Variants in PTPRA observed in about 807,000 individuals in gnomAD.
PTPRA encodes the protein protein tyrosine phosphatase receptor type A, also known as receptor-type tyrosine-protein phosphatase alpha.
A neutral mutation model predicts 104.8 loss-of-function variants in PTPRA; 25 were observed. The observed-to-expected ratio is 0.24, with a 90% CI of 0.17 to 0.33. The LOEUF (loss-of-function observed/expected upper bound fraction) is 0.33. PTPRA is among the 10% of genes least tolerant of loss of function. The pLI, the probability that PTPRA is intolerant of heterozygous loss-of-function variation, is 1.00. For synonymous variants in PTPRA, 323 were observed against 368.9 expected (o/e 0.88, Z 1.43); for missense variants, 765 against 1,015.3 (o/e 0.75, Z 3.35).
chr20:2,904,434 G>A (rs1038552271), intron 1 of PTPRA, among the ~76,000 whole-genome samples: 31 of 152,148 alleles, frequency 2.0e-4, no homozygotes, highest in Admixed American at 4.6e-4. Flanking sequence ...ACTTTGGGAG[G>A]CCGAGGTGGG....
At chr20:2,954,198 C>T (rs1456725281) in intron 3 of PTPRA, among the ~76,000 whole-genome samples, 5 of 151,590 alleles carry the variant, frequency 3.3e-5, no homozygotes, top group African/African-American at 9.7e-5. Flanking sequence ...CTGCCTCAGC[C>T]TCCTGAGTAG....
Position 2,965,188 on chromosome 20 carries a change from C to G in PTPRA, c.401C>G (p.Thr134Ser). The change falls in exon 5 of 24, where the codon ACT (threonine) becomes AGT (serine). Residue 134 changes from threonine (T) to serine (S), a missense_variant. Thr to Ser is a moderately conservative substitution (Grantham distance 58). Around this residue, in one of 4 missense-constraint regions of PTPRA, gnomAD observed 256 missense variants for 248.9 expected, o/e 1.03. Coordinates refer to ENST00000399903, the MANE Select transcript of PTPRA (RefSeq NM_001385305.1). ...NSSTAATTPETFPPSGNSDSK... is the reference protein window; with the variant it reads ...NSSTAATTPESFPPSGNSDSK... The stretch of plus-strand genomic sequence containing the variant: ...AGCACCGCAGCAACCACTCCAGAAA[C>G]TTTCCCTCCTTCAGGTACTAGAGAT... 1.2e-6 allele frequency: 2 copies of G among 1,610,910 alleles called. No individual in the cohort carries two copies. Among genetic ancestry groups the G allele is most frequent in the Non-Finnish European group, 1.7e-6 (2 of 1,177,408 alleles).
At chr20:2,971,831 C>A (rs2062201035) in intron 5 of PTPRA, among the ~76,000 whole-genome samples, 1 of 151,848 alleles carries the variant, frequency 6.6e-6, no homozygotes, top group South Asian at 2.1e-4. Context: ...GATTCTATTC[C>A]TAGGTTTGTT....
intron 2 of PTPRA, among the ~76,000 whole-genome samples, chr20:2,933,068 T>G (rs1049036451): frequency 6.6e-6 from 1 of 152,206 alleles, no homozygotes; most frequent in Admixed American, 6.5e-5. Context: ...ATAGACTAAG[T>G]CCCAAATCAG....
At chr20:2,954,373 C>T (rs2061463047) in intron 3 of PTPRA, among the ~76,000 whole-genome samples, 1 of 152,170 alleles carries the variant, frequency 6.6e-6, no homozygotes, top group Non-Finnish European at 1.5e-5. Context: ...GCCACCACAC[C>T]TGGCCCCCAG....
chr20:2,886,019 A>G (rs929924908), intron 1 of PTPRA, among the ~76,000 whole-genome samples: 4 of 152,222 alleles, frequency 2.6e-5, no homozygotes, highest in African/African-American at 9.6e-5. Flanking sequence ...AGATCATGCC[A>G]CCACACTCCA....
intron 19 of PTPRA, 90 bp downstream of exon 19, chr20:3,027,287 G>C: frequency 3.8e-6 from 5 of 1,330,524 alleles, no homozygotes; most frequent in Non-Finnish European, 5.4e-6. Flanking sequence ...CTGCTGGGGA[G>C]GATCATGTTT....
chr20:2,893,456 A>T (rs2058875234), intron 1 of PTPRA, among the ~76,000 whole-genome samples: 1 of 152,208 alleles, frequency 6.6e-6, no homozygotes, highest in Admixed American at 6.5e-5. Flanking sequence ...GAGATTTCTT[A>T]CATTTAGATG....
At chr20:2,973,260 A>C (rs2062269097) in intron 5 of PTPRA, among the ~76,000 whole-genome samples, 2 of 149,820 alleles carry the variant, frequency 1.3e-5, no homozygotes, top group South Asian at 4.2e-4. Flanking sequence ...ATTGATTTTT[A>C]CTTTCTACCT....
At chr20:2,972,950 G>C (rs1043983173) in intron 5 of PTPRA, among the ~76,000 whole-genome samples, 4 of 151,906 alleles carry the variant, frequency 2.6e-5, no homozygotes, top group African/African-American at 9.7e-5. Flanking sequence ...GAACTCCTGG[G>C]CTCACATGAT....
At chr20:3,005,173 T>G in intron 10 of PTPRA, 27 bp downstream of exon 10, 1 of 1,539,970 alleles carries the variant, frequency 6.5e-7, no homozygotes, top group Non-Finnish European at 9.0e-7. Context: ...TTTCTTGGGA[T>G]GTAACCTGAA....
At chr20:2,939,477 G>A (rs914582087) in intron 2 of PTPRA, among the ~76,000 whole-genome samples, 1 of 152,160 alleles carries the variant, frequency 6.6e-6, no homozygotes, top group Non-Finnish European at 1.5e-5. Context: ...ACAGTGTCTG[G>A]TGAGGAAAAG....
intron 6 of PTPRA, among the ~76,000 whole-genome samples, chr20:2,986,224 T>C (rs2062903656): frequency 6.6e-6 from 1 of 152,196 alleles, no homozygotes; most frequent in African/African-American, 2.4e-5. Context: ...TTGTTTTAAT[T>C]AGGAACAGTA....
chr20:3,022,999 C>T lies in PTPRA; in HGVS notation c.1464+175C>T, dbSNP rs979640914. ...GTGTCTATGTAGAAAAAGGAAGACA[C>T]GAGAAACTCCATTTTGTTCTGTACT... On this transcript the variant is annotated intron_variant, in intron 16 of 23. Transcript: ENST00000399903. This position sits in a 1 kb window ranked among gnomAD's most constrained non-coding sequence, Gnocchi z 4.6. 1.3e-5 allele frequency among the ~76,000 whole-genome samples: 2 copies of T among 152,164 alleles called. No homozygotes were observed. The highest frequency in any genetic ancestry group is 2.9e-5 in the Non-Finnish European group (2 of 68,036).
chr20:2,887,784 G>A (rs976102109), intron 1 of PTPRA, among the ~76,000 whole-genome samples: 2 of 152,224 alleles, frequency 1.3e-5, no homozygotes, highest in African/African-American at 4.8e-5. Context: ...TACCAGAGCA[G>A]TGTGGGATAG....
intron 4 of PTPRA, 72 bp from the exon 5 acceptor site, chr20:2,964,789 C>T: frequency 7.4e-7 from 1 of 1,344,798 alleles, no homozygotes; most frequent in East Asian, 2.3e-5. Context: ...TTAAGGCTTG[C>T]TGCTTTGTGT....
chr20:3,018,863 C>T (rs1298285803), intron 13 of PTPRA, among the ~76,000 whole-genome samples: 1 of 106,754 alleles, frequency 9.4e-6, no homozygotes, highest in African/African-American at 4.7e-5. Context: ...GCTGATCCCC[C>T]CACCTCCCTC....
At chr20:2,964,177 A>T in intron 3 of PTPRA, 95 bp from the exon 4 acceptor site, 1 of 1,028,062 alleles carries the variant, frequency 9.7e-7, no homozygotes, top group Non-Finnish European at 1.5e-6. Context: ...CACACATTTT[A>T]ATAGCTTGGA....
At chr20:2,905,371 A>G (rs1325908841) in intron 1 of PTPRA, among the ~76,000 whole-genome samples, 3 of 152,186 alleles carry the variant, frequency 2.0e-5, no homozygotes, top group Non-Finnish European at 4.4e-5. Context: ...GAAAAGTTGA[A>G]CACTCATGGC....
Sources: allele counts gnomAD v4.1 joint callset (sites outside exome capture counted in the v4.1 genomes callset), GRCh38; gene constraint gnomAD v4.1.1; regional missense constraint gnomAD v4.1.1; non-coding constraint Gnocchi (gnomAD v3.1); transcripts MANE v1.5; gene names NCBI Gene and HGNC (gene_info 2026-07-23, HGNC 2026-07-21).